NAA11: variants seen among roughly 807,000 people sequenced by gnomAD.
NAA11 encodes N-alpha-acetyltransferase 11.
In NAA11, 15 loss-of-function variants were observed where a neutral mutation model predicts 16.1. That is an observed-to-expected ratio of 0.93 (90% CI 0.62 to 1.44). NAA11 has a LOEUF of 1.44. Ranked by LOEUF, NAA11 falls within the 40% of genes most tolerant of loss-of-function variation. NAA11 has a pLI of 0.00. For synonymous variants in NAA11, 122 were observed against 112.4 expected (o/e 1.09, Z -0.54); for missense variants, 298 against 291.3 (o/e 1.02, Z -0.17).
At chr4:79,210,617 C>G in the NAA11 span, among the ~76,000 whole-genome samples, 3 of 152,058 alleles carry the variant, frequency 2.0e-5, no homozygotes, top group Non-Finnish European at 4.4e-5. Flanking sequence ...TAGCTTCCAC[C>G]ACCTAGACTA....
At chr4:79,245,902 G>A (rs1258106977) in intron 2 of NAA11, among the ~76,000 whole-genome samples, 2 of 152,226 alleles carry the variant, frequency 1.3e-5, no homozygotes, top group South Asian at 2.1e-4. Flanking sequence ...CATTGAGAAC[G>A]GGCCATGATG....
At chr4:79,156,355 A>G in the NAA11 span, among the ~76,000 whole-genome samples, 1 of 151,848 alleles carries the variant, frequency 6.6e-6, no homozygotes, top group Non-Finnish European at 1.5e-5. Flanking sequence ...ATATAGGGAT[A>G]TATATATTTA....
chr4:79,235,420 A>G (rs1228115842), intron 2 of NAA11, among the ~76,000 whole-genome samples: 3 of 152,126 alleles, frequency 2.0e-5, no homozygotes, highest in Non-Finnish European at 4.4e-5. Flanking sequence ...AATCCAATCT[A>G]TGTAAGCAAA....
intron 2 of NAA11, among the ~76,000 whole-genome samples, chr4:79,284,268 T>C (rs1245469536): frequency 6.6e-6 from 1 of 152,118 alleles, no homozygotes; most frequent in Non-Finnish European, 1.5e-5. Flanking sequence ...CTCAGGGCTA[T>C]AGTGTCCCAC....
downstream of NAA11, among the ~76,000 whole-genome samples, chr4:79,224,289 C>G (rs967461798): frequency 6.6e-6 from 1 of 152,100 alleles, no homozygotes; most frequent in Non-Finnish European, 1.5e-5. Context: ...AGGCAAGTCA[C>G]AAAATTCAAT....
At chr4:79,195,063 C>A in the NAA11 span, among the ~76,000 whole-genome samples, 1 of 152,102 alleles carries the variant, frequency 6.6e-6, no homozygotes, top group Non-Finnish European at 1.5e-5. Flanking sequence ...CTAAATACTT[C>A]TTCAGTAGAT....
chr4:79,325,953 T>C lies in NAA11; in HGVS notation c.-76A>G. On this transcript the variant is annotated 5_prime_UTR_variant, in exon 1 of 2. Coordinates refer to ENST00000286794, the MANE Select transcript of NAA11 (RefSeq NM_032693.3). ...TGTCGCCGACCTTAAGGGGCACTGT[T>C]TGCCTCAGGAATCGAGTCCAGGGGG... 1 of 1,350,966 alleles carries C rather than the reference T, an allele frequency of 7.4e-7. No individual in the cohort carries two copies. The highest frequency in any genetic ancestry group is 2.4e-5 in the East Asian group (1 of 42,434). 83.7% of individuals were successfully genotyped at this position (1,350,966 alleles called of 1,614,324 possible).
In NAA11 at chr4:79,325,704, G is replaced by C; in HGVS notation, c.174C>G (p.Ala58=). ...CATCATCTGGTTCCTCCTCCATTTTGGCCAGAACATAGCCCACAATCTTCC... is the reference window on the plus strand; with the variant it reads ...CATCATCTGGTTCCTCCTCCATTTTCGCCAGAACATAGCCCACAATCTTCC... ...EDGKIVGYVL[A]KMEEEPDDVP... The change falls in exon 1 of 2, where the codon GCC becomes GCG. Residue 58 remains alanine (A), a synonymous_variant. Transcript: ENST00000286794. 6.2e-7 allele frequency: 1 copy of C among 1,614,168 alleles called. No homozygotes were observed. Among genetic ancestry groups the C allele is most frequent in the Non-Finnish European group, 8.5e-7 (1 of 1,180,034 alleles).
intron 2 of NAA11, among the ~76,000 whole-genome samples, chr4:79,246,906 T>C (rs1721851504): frequency 6.6e-6 from 1 of 152,198 alleles, no homozygotes; most frequent in South Asian, 2.1e-4. Context: ...TCAGAGCTAG[T>C]CCAGGGAGCT....
chr4:79,196,334 T>C, the NAA11 span, among the ~76,000 whole-genome samples: 2 of 152,006 alleles, frequency 1.3e-5, no homozygotes, highest in African/African-American at 2.4e-5. Flanking sequence ...CTCCTCCATG[T>C]TTCCATAACA....
At chr4:79,276,624 A>T (rs753757808) in intron 2 of NAA11, among the ~76,000 whole-genome samples, 13 of 152,126 alleles carry the variant, frequency 8.5e-5, no homozygotes, top group Non-Finnish European at 8.8e-5. Flanking sequence ...GTGTGGTGGT[A>T]TTGTGGTGGA....
At chr4:79,198,070 A>G in the NAA11 span, among the ~76,000 whole-genome samples, 1 of 151,948 alleles carries the variant, frequency 6.6e-6, no homozygotes, top group Non-Finnish European at 1.5e-5. Context: ...TTTCTATAGA[A>G]TGTGAAAAGT....
At chr4:79,309,995 G>A (rs1428482696) in intron 1 of NAA11, among the ~76,000 whole-genome samples, 1 of 152,040 alleles carries the variant, frequency 6.6e-6, no homozygotes, top group Non-Finnish European at 1.5e-5. Context: ...GATTACAGGC[G>A]TGAGCCACCG....
At chr4:79,324,596 A>T (rs1724200955) in intron 1 of NAA11, among the ~76,000 whole-genome samples, 1 of 152,170 alleles carries the variant, frequency 6.6e-6, no homozygotes, top group Admixed American at 6.5e-5. Context: ...TGGTAGTCAG[A>T]TCTCATAATT....
chr4:79,287,602 G>A (rs1722971429), intron 2 of NAA11, among the ~76,000 whole-genome samples: 1 of 151,872 alleles, frequency 6.6e-6, no homozygotes, highest in African/African-American at 2.4e-5. Flanking sequence ...GCTTAACACA[G>A]CTCTTGAATC....
intron 1 of NAA11, among the ~76,000 whole-genome samples, chr4:79,300,719 A>AGT (rs764960381): frequency 6.6e-6 from 1 of 152,158 alleles, no homozygotes; most frequent in African/African-American, 2.4e-5. Flanking sequence ...AGGTTATTTA[A>AGT]GTGTGTGTGT....
At chr4:79,181,241 A>G in the NAA11 span, among the ~76,000 whole-genome samples, 1 of 151,982 alleles carries the variant, frequency 6.6e-6, no homozygotes, top group Admixed American at 6.6e-5. Flanking sequence ...AAAAAAAAAA[A>G]AAGCCATACA....
At chr4:79,288,519 C>A (rs1296828038) in intron 2 of NAA11, among the ~76,000 whole-genome samples, 1 of 152,110 alleles carries the variant, frequency 6.6e-6, no homozygotes, top group Non-Finnish European at 1.5e-5. Flanking sequence ...ACTATGAGAA[C>A]TTGGTAGGAA....
In NAA11 at chr4:79,229,792, T is replaced by C. The variant is rs371861718; in HGVS notation, c.*123-3522A>G. Among the ~76,000 whole-genome samples, 57 of 152,046 alleles carry C rather than the reference T, an allele frequency of 3.7e-4. No homozygotes were observed. The South Asian group carries it at 6.2e-3, about 17-fold the overall frequency. On this transcript the variant is annotated intron_variant and NMD_transcript_variant, in intron 2 of 2. Transcript: ENST00000511542. ...ACAAGATAGAAGTGGGGCATAGAGA[T>C]ATTATATGACTGCCTTGAGGTCATG...
Sources: allele counts gnomAD v4.1 joint callset (sites outside exome capture counted in the v4.1 genomes callset), GRCh38; gene constraint gnomAD v4.1.1; transcripts MANE v1.5; gene names NCBI Gene and HGNC (gene_info 2026-07-23, HGNC 2026-07-21).